The following B3GALT1 variants were observed in gnomAD, a reference collection of about 807,000 sequenced individuals.
B3GALT1 encodes the protein beta-1,3-galactosyltransferase 1.
In B3GALT1, 10 loss-of-function variants were observed where a neutral mutation model predicts 23.2. That is an observed-to-expected ratio of 0.43 (90% CI 0.27 to 0.73). The LOEUF is 0.73. Ranked by LOEUF, B3GALT1 falls within the 30% of genes least tolerant of loss-of-function variation. The pLI, the probability that B3GALT1 is intolerant of heterozygous loss-of-function variation, is 0.21. For synonymous variants in B3GALT1, 156 were observed against 141.5 expected (o/e 1.10, Z -0.73); for missense variants, 299 against 405.4 (o/e 0.74, Z 2.25).
chr2:167,345,129 ATT>A (rs1697208373), intron 1 of B3GALT1, among the ~76,000 whole-genome samples: 1 of 152,178 alleles, frequency 6.6e-6, no homozygotes, highest in Non-Finnish European at 1.5e-5. Flanking sequence ...TGGAGATCTC[ATT>A]TGAATCAAGA....
intron 3 of B3GALT1, among the ~76,000 whole-genome samples, chr2:167,756,770 G>A (rs943011183): frequency 5.9e-5 from 9 of 152,336 alleles, no homozygotes; most frequent in Admixed American, 4.6e-4. Flanking sequence ...GAAAGAGAAA[G>A]AAACTATGCG....
intron 3 of B3GALT1, among the ~76,000 whole-genome samples, chr2:167,720,303 G>A (rs1282053180): frequency 6.6e-6 from 1 of 152,144 alleles, no homozygotes; most frequent in East Asian, 1.9e-4. Flanking sequence ...GGTCTTTGCT[G>A]GTAGAGGGGA....
At chr2:167,346,077 T>G (rs1331533281) in intron 1 of B3GALT1, among the ~76,000 whole-genome samples, 2 of 151,966 alleles carry the variant, frequency 1.3e-5, no homozygotes, top group Non-Finnish European at 1.5e-5. Context: ...AATGGTAACT[T>G]AAAATGATAT....
chr2:167,563,343 G>A (rs1202909729), intron 2 of B3GALT1, among the ~76,000 whole-genome samples: 1 of 144,480 alleles, frequency 6.9e-6, no homozygotes, highest in African/African-American at 2.6e-5. Context: ...AGGGGCGGCT[G>A]GCCGGGCGGG....
At chr2:167,774,009 A>T (rs909935887) in intron 3 of B3GALT1, among the ~76,000 whole-genome samples, 1 of 152,258 alleles carries the variant, frequency 6.6e-6, no homozygotes, top group Non-Finnish European at 1.5e-5. Flanking sequence ...AGATATTCCA[A>T]CTGAAGTGGT....
chr2:167,350,002 A>G (rs1349958085), intron 1 of B3GALT1, among the ~76,000 whole-genome samples: 2 of 152,222 alleles, frequency 1.3e-5, no homozygotes, highest in Non-Finnish European at 2.9e-5. Context: ...GTTTTATAAA[A>G]GGTCTGATGT....
At chr2:167,481,983 TC>T (rs1214255059) in intron 1 of B3GALT1, among the ~76,000 whole-genome samples, 1 of 152,198 alleles carries the variant, frequency 6.6e-6, no homozygotes, top group African/African-American at 2.4e-5. Flanking sequence ...ACAATGTATT[TC>T]TTTTTTTTTA....
At chr2:167,652,025 T>G (rs1018436805) in intron 3 of B3GALT1, among the ~76,000 whole-genome samples, 18 of 152,016 alleles carry the variant, frequency 1.2e-4, no homozygotes, top group Non-Finnish European at 2.4e-4. Flanking sequence ...GACAGAAGAC[T>G]GCAGGGTCAA....
intron 2 of B3GALT1, among the ~76,000 whole-genome samples, chr2:167,546,810 A>G (rs983350886): frequency 1.3e-5 from 2 of 152,164 alleles, no homozygotes; most frequent in Admixed American, 6.5e-5. Flanking sequence ...GCAGTCAAAC[A>G]TCTTTCAACA....
At chr2:167,393,309 G>A (rs1169083761) in intron 1 of B3GALT1, among the ~76,000 whole-genome samples, 1 of 150,000 alleles carries the variant, frequency 6.7e-6, no homozygotes, top group African/African-American at 2.5e-5. Context: ...TCACGCCTGT[G>A]ATCTAGTGGA....
intron 2 of B3GALT1, among the ~76,000 whole-genome samples, chr2:167,607,915 A>G (rs1231445930): frequency 6.6e-6 from 1 of 152,182 alleles, no homozygotes; most frequent in Non-Finnish European, 1.5e-5. Context: ...ATGTGTTAGC[A>G]GAAAAAGACA....
At chr2:167,770,377 CTA>C (rs1383124484) in intron 3 of B3GALT1, among the ~76,000 whole-genome samples, 1 of 152,178 alleles carries the variant, frequency 6.6e-6, no homozygotes, top group African/African-American at 2.4e-5. Flanking sequence ...GGCTTAAAGA[CTA>C]ATGAAATTGG....
rs201554463 is a variant in B3GALT1 at position 167,512,546 on chromosome 2, G to GTATA, written c.-410+22275_-410+22278dup. ...TATATGTGTGTGTGTATATATATAT[G>GTATA]TATATATATGTATATATATATGTAT... is the stretch of plus-strand genomic sequence containing the variant. On this transcript the variant is annotated intron_variant, in intron 2 of 4. Transcript: ENST00000392690. Among the ~76,000 whole-genome samples the GTATA allele has an allele frequency of 8.7e-5, 7 of 80,224 alleles. No individual in the cohort carries two copies. The East Asian group carries it at 1.1e-3, about 12-fold the overall frequency. 52.6% of individuals were successfully genotyped at this position (80,224 alleles called of 152,430 possible).
intron 3 of B3GALT1, among the ~76,000 whole-genome samples, chr2:167,799,265 A>G (rs1273660207): frequency 6.6e-6 from 1 of 152,040 alleles, no homozygotes; most frequent in African/African-American, 2.4e-5. Flanking sequence ...GGTGAAGTCT[A>G]TACAATTCCA....
rs567255764 is a variant in B3GALT1 at position 167,476,660 on chromosome 2, T to G, written c.-510-13517T>G. Reference sequence around the variant, plus strand: ...GTACTCACCCATTAAAAACAAACTATAGATACTTCATTAGAAATAGAATTT... The same window carrying G: ...GTACTCACCCATTAAAAACAAACTAGAGATACTTCATTAGAAATAGAATTT... On this transcript the variant is annotated intron_variant, in intron 1 of 4. Transcript: ENST00000392690. Among the ~76,000 whole-genome samples the G allele has an allele frequency of 3.9e-5, 6 of 152,310 alleles. No individual in the cohort carries two copies. In the South Asian group the frequency reaches 1.2e-3, roughly 32 times the overall value.
intron 3 of B3GALT1, among the ~76,000 whole-genome samples, chr2:167,786,804 TA>T (rs1688350727): frequency 6.6e-6 from 1 of 152,210 alleles, no homozygotes; most frequent in South Asian, 2.1e-4. Flanking sequence ...GAATGGTTCT[TA>T]CCCCTGGCTG....
At chr2:167,417,235 C>T (rs769882492) in intron 1 of B3GALT1, among the ~76,000 whole-genome samples, 22 of 152,108 alleles carry the variant, frequency 1.4e-4, no homozygotes, top group Non-Finnish European at 2.8e-4. Context: ...TTATGAATAG[C>T]TTAATCCATT....
At chr2:167,637,612 A>G (rs1685581903) in intron 2 of B3GALT1, among the ~76,000 whole-genome samples, 2 of 151,934 alleles carry the variant, frequency 1.3e-5, no homozygotes, top group Non-Finnish European at 2.9e-5. Flanking sequence ...CCTTCCAACT[A>G]TATGCTTGTA....
rs143618131 is a variant in B3GALT1, at chr2:167,540,183, A to G, written c.-410+49906A>G. ...AGTGACATCCATAGGAAAGAGAACC[A>G]GCTAGTCCAGGGGTTACCAAGACTA... On this transcript the variant is annotated intron_variant, in intron 2 of 4. Transcript: ENST00000392690. Among the ~76,000 whole-genome samples, 1,320 of 152,278 alleles carry G rather than the reference A, an allele frequency of 8.7e-3. 24 individuals are homozygous for G. The highest frequency in any genetic ancestry group is 0.067 in the East Asian group (345 of 5,166).
Sources: gnomAD v4.1 joint callset for allele counts (sites outside exome capture counted in the v4.1 genomes callset) on GRCh38, gnomAD v4.1.1 for gene constraint, MANE v1.5 for transcripts, NCBI Gene and HGNC (gene_info 2026-07-23, HGNC 2026-07-21) for gene names.